Variants in LOX observed in about 807,000 individuals in gnomAD.
LOX encodes protein-lysine 6-oxidase.
LOX carries 12 observed loss-of-function variants against 50.5 expected under a neutral mutation model. The observed-to-expected ratio is 0.24, with a 90% CI of 0.15 to 0.38. The LOEUF is 0.38. Among genes scored for constraint, LOX ranks in the 10% least tolerant of loss-of-function variants. The pLI is 1.00. For synonymous variants in LOX, 254 were observed against 230.6 expected (o/e 1.10, Z -0.92); for missense variants, 504 against 563.8 (o/e 0.89, Z 1.07).
At chr5:122,073,878 C>A in intron 4 of LOX, 135 bp downstream of exon 4, 1 of 789,198 alleles carries the variant, frequency 1.3e-6, no homozygotes, top group Non-Finnish European at 2.0e-6. Context: ...CTACAGTTTT[C>A]TTTGAGAACA....
In LOX at chr5:122,066,712, G is replaced by T; in HGVS notation, c.*31C>A. On this transcript the variant is annotated 3_prime_UTR_variant, in exon 7 of 7. Coordinates refer to ENST00000231004, the MANE Select transcript of LOX (RefSeq NM_002317.7). ...TTCCCACTTCAGAACACCAGGCACT[G>T]ATTTATCCATTGGGAGTTTTGCTTT... The T allele has an allele frequency of 6.3e-7, 1 of 1,591,016 alleles. No homozygotes were observed. The highest frequency in any genetic ancestry group is 8.6e-7 in the Non-Finnish European group (1 of 1,159,928).
chr5:122,066,643 C>A lies in LOX; in HGVS notation c.*100G>T. On this transcript the variant is annotated 3_prime_UTR_variant, in exon 7 of 7. Transcript: ENST00000231004. ...AAAAATTCTTTTGTTGTTTTCTGTTCTCTTTTTCAAAATACATAAATCCTA... is the reference window on the plus strand; with the variant it reads ...AAAAATTCTTTTGTTGTTTTCTGTTATCTTTTTCAAAATACATAAATCCTA... The A allele has an allele frequency of 1.0e-6, 1 of 964,906 alleles. No homozygotes were observed. The highest frequency in any genetic ancestry group is 1.5e-5 in the South Asian group (1 of 65,774). 59.8% of individuals were successfully genotyped at this position (964,906 alleles called of 1,614,324 possible). A position where few individuals can be genotyped will look rare whatever the true frequency, so the allele number is the denominator to read the frequency against.
chr5:122,066,105 C>T lies in LOX; in HGVS notation c.*638G>A, dbSNP rs1754292472. The T allele has an allele frequency of 6.6e-6, 1 of 152,036 alleles. No homozygotes were observed. Among genetic ancestry groups the T allele is most frequent in the Non-Finnish European group, 1.5e-5 (1 of 67,998 alleles). The allele number at this position is 152,036 out of a possible 1,614,324, so 9.4% of individuals were successfully genotyped here. The stretch of plus-strand genomic sequence containing the variant: ...ACTCAAGTCAAAATGAAATTGTGCA[C>T]TTGAAAGAAAGGAAGTTATCTACTA... On this transcript the variant is annotated 3_prime_UTR_variant, in exon 7 of 7. Coordinates refer to ENST00000231004, the MANE Select transcript of LOX (RefSeq NM_002317.7).
chr5:122,077,467 G>T lies in LOX; in HGVS notation c.519C>A (p.Asn173Lys), dbSNP rs1244004648. ...VDGMVGDDPY[N>K]PYKYSDDNPY... ...GGTTGTCGTCAGAGTACTTGTAGGG[G>T]TTGTAAGGGTCGTCGCCCACCATGC... Residue 173 changes from asparagine to lysine, a missense_variant, in exon 1 of 7, where the codon AAC becomes AAA. Asn to Lys is a moderately conservative substitution (Grantham distance 94). This residue lies in a region of LOX where 398 missense variants were observed against 365.8 expected (regional missense o/e 1.09). Coordinates refer to ENST00000231004, the MANE Select transcript of LOX (RefSeq NM_002317.7). This position sits in a 1 kb window ranked among gnomAD's most constrained non-coding sequence, Gnocchi z 4.9. The T allele has an allele frequency of 6.2e-7, 1 of 1,614,094 alleles. No homozygotes were observed.
Position 122,070,150 on chromosome 5 carries a change from A to G in LOX, c.1150T>C (p.Tyr384His), listed in dbSNP as rs1754408984. Residue 384 changes from tyrosine (Y) to histidine (H), a missense_variant, in exon 6 of 7, where the codon TAC (tyrosine) becomes CAC (histidine). This residue lies in a region of LOX where 106 missense variants were observed against 198.1 expected (regional missense o/e 0.54). Transcript: ENST00000231004. Reference protein sequence around the residue: ...YILKVSVNPSYLVPESDYTNN... With the variant: ...YILKVSVNPSHLVPESDYTNN... Reference sequence around the variant, plus strand: ...GTATAGTCAGATTCAGGAACCAGGTAGCTGGGGTTTACACTGACCTGGGCA... The same window carrying G: ...GTATAGTCAGATTCAGGAACCAGGTGGCTGGGGTTTACACTGACCTGGGCA... 1 of 1,611,178 alleles carries G rather than the reference A, an allele frequency of 6.2e-7. No individual in the cohort carries two copies. The highest frequency in any genetic ancestry group is 8.5e-7 in the Non-Finnish European group (1 of 1,177,518).
At chr5:122,076,286 A>T (rs1754628085) in intron 2 of LOX, among the ~76,000 whole-genome samples, 2 of 152,202 alleles carry the variant, frequency 1.3e-5, no homozygotes, top group South Asian at 4.1e-4. Context: ...TTAAATTTTT[A>T]TTAAAACATC....
intron 4 of LOX, among the ~76,000 whole-genome samples, chr5:122,073,542 A>G (rs1754516813): frequency 6.6e-6 from 1 of 152,234 alleles, no homozygotes; most frequent in South Asian, 2.1e-4. Context: ...TCACAGGTGA[A>G]AAAACAGAGA....
chr5:122,074,209 T>C (rs753629841), intron 3 of LOX, 40 bp from the exon 4 acceptor site: 17 of 1,567,434 alleles, frequency 1.1e-5, no homozygotes, highest in Middle Eastern at 1.7e-4. Flanking sequence ...GTCAGTTACA[T>C]ACAGAGAAAG....
intron 4 of LOX, among the ~76,000 whole-genome samples, chr5:122,071,013 A>T (rs539914335): frequency 6.6e-6 from 1 of 152,226 alleles, no homozygotes; most frequent in African/African-American, 2.4e-5. Context: ...CGTCCATGAT[A>T]CTTTTTATTG....
chr5:122,075,300 A>G (rs1754584132), intron 3 of LOX, 104 bp downstream of exon 3: 1 of 1,060,064 alleles, frequency 9.4e-7, no homozygotes, highest in African/African-American at 1.6e-5. Context: ...AGTAATAGCA[A>G]TTTTCTCCCT....
In LOX at chr5:122,066,694, T is replaced by C; in HGVS notation, c.*49A>G. On this transcript the variant is annotated 3_prime_UTR_variant, in exon 7 of 7. Coordinates refer to ENST00000231004, the MANE Select transcript of LOX (RefSeq NM_002317.7). The stretch of plus-strand genomic sequence containing the variant: ...CTGAAGTTAGTCTATTTTTTCCCAC[T>C]TCAGAACACCAGGCACTGATTTATC... 6.5e-7 allele frequency: 1 copy of C among 1,545,184 alleles called. No homozygotes were observed. Among genetic ancestry groups the C allele is most frequent in the Non-Finnish European group, 8.9e-7 (1 of 1,120,386 alleles).
Position 122,077,341 on chromosome 5 carries a change from T to A in LOX, c.631+14A>T. On this transcript the variant is annotated intron_variant, in intron 1 of 6. Coordinates refer to ENST00000231004, the MANE Select transcript of LOX (RefSeq NM_002317.7). The surrounding 1 kb of genome is among the most constrained non-coding windows in gnomAD (Gnocchi z 4.9). ...AGGTGCACGGGTGCTTCCAGCGGACTTGGGGGTACTTACCGTACTGGAAGT... is the reference window on the plus strand; with the variant it reads ...AGGTGCACGGGTGCTTCCAGCGGACATGGGGGTACTTACCGTACTGGAAGT... 6.2e-7 allele frequency: 1 copy of A among 1,613,624 alleles called. No homozygotes were observed. Among genetic ancestry groups the A allele is most frequent in the East Asian group, 2.2e-5 (1 of 44,852 alleles).
chr5:122,074,955 C>A (rs1168395472), intron 3 of LOX, among the ~76,000 whole-genome samples: 2 of 152,198 alleles, frequency 1.3e-5, no homozygotes, highest in Non-Finnish European at 2.9e-5. Flanking sequence ...GGGCTTGATA[C>A]AGGTCTTTTA....
intron 4 of LOX, 191 bp from the exon 5 acceptor site, chr5:122,070,780 A>G: frequency 2.2e-6 from 1 of 453,168 alleles, no homozygotes; most frequent in Admixed American, 3.6e-5. Flanking sequence ...TAAAAAAGAT[A>G]CAGGACTAAT....
intron 5 of LOX, 148 bp from the exon 6 acceptor site, chr5:122,070,316 G>T: frequency 1.5e-6 from 1 of 654,884 alleles, no homozygotes; most frequent in Non-Finnish European, 2.7e-6. Context: ...GAAAGAGACT[G>T]CATATTTTCC....
At chr5:122,075,621 T>C (rs1159857102) in intron 2 of LOX, 80 bp from the exon 3 acceptor site, 9 of 917,562 alleles carry the variant, frequency 9.8e-6, no homozygotes, top group Non-Finnish European at 1.3e-5. Context: ...ACATCCATTA[T>C]ATAGTAGTGA....
At chr5:122,069,113 G>T (rs986242782) in intron 6 of LOX, among the ~76,000 whole-genome samples, 1 of 152,074 alleles carries the variant, frequency 6.6e-6, no homozygotes, top group Non-Finnish European at 1.5e-5. Context: ...CACTTGTAAA[G>T]CACAGTCTCT....
At chr5:122,070,469 A>G (rs938632736) in intron 5 of LOX, 25 bp downstream of exon 5, 3 of 1,259,724 alleles carry the variant, frequency 2.4e-6, no homozygotes, top group Admixed American at 1.8e-5. Context: ...ATATCAATAT[A>G]TGATATATTT....
At position 122,070,563 on chromosome 5, in the gene LOX, G is replaced by GGT; in HGVS notation, c.1060_1061dup (p.Tyr355ProfsTer6). 1 of 1,605,302 alleles carries GGT rather than the reference G, an allele frequency of 6.2e-7. No individual in the cohort carries two copies. Among genetic ancestry groups the GGT allele is most frequent in the Non-Finnish European group, 8.5e-7 (1 of 1,173,944 alleles). On this transcript the variant is annotated frameshift_variant, in exon 5 of 7. Coordinates refer to ENST00000231004, the MANE Select transcript of LOX (RefSeq NM_002317.7). LOFTEE classifies it high-confidence loss of function. ...ACTGGCAGTCTATGTCTGCACCATA[G>GGT]GTATCATAACAGCCAGGACTCAATC... is the stretch of plus-strand genomic sequence containing the variant.
Sources: gnomAD v4.1 joint callset for allele counts (sites outside exome capture counted in the v4.1 genomes callset) on GRCh38, gnomAD v4.1.1 for gene constraint, gnomAD v4.1.1 regional missense constraint, Gnocchi (gnomAD v3.1) non-coding constraint, MANE v1.5 for transcripts, NCBI Gene and HGNC (gene_info 2026-07-23, HGNC 2026-07-21) for gene names.